PKD2: variants seen among roughly 807,000 people sequenced by gnomAD.
The protein encoded by PKD2 is polycystin-2.
Under a neutral mutation model 105.9 loss-of-function variants are expected in PKD2, and 48 were observed. The observed-to-expected ratio is 0.45, with a 90% CI of 0.36 to 0.58. PKD2 has a LOEUF of 0.58. Ranked by LOEUF, PKD2 falls within the 20% of genes least tolerant of loss-of-function variation. PKD2 has a pLI of 0.00. For missense variants in PKD2, 1,078 were observed against 1,255.3 expected (o/e 0.86, Z 2.13); for synonymous variants, 464 against 481.1 (o/e 0.96, Z 0.46).
intron 13 of PKD2, among the ~76,000 whole-genome samples, chr4:88,069,088 G>A (rs143668807): frequency 2.0e-5 from 3 of 152,018 alleles, no homozygotes; most frequent in African/African-American, 7.2e-5. Context: ...AGTATTTTTT[G>A]TTTGATATTA....
chr4:88,071,098 C>T (rs1304671541), intron 13 of PKD2, among the ~76,000 whole-genome samples: 4 of 151,922 alleles, frequency 2.6e-5, no homozygotes, highest in Non-Finnish European at 5.9e-5. Flanking sequence ...CTCTGTCACC[C>T]AGGCTAGAGT....
intron 14 of PKD2, among the ~76,000 whole-genome samples, 156 bp downstream of exon 14, chr4:88,075,115 GA>G (rs1721185837): frequency 6.6e-6 from 1 of 152,092 alleles, no homozygotes; most frequent in Admixed American, 6.6e-5. Flanking sequence ...CTCATTTTCA[GA>G]TTTTTTTCTC....
At chr4:88,027,032 A>G (rs1285427196) in intron 2 of PKD2, among the ~76,000 whole-genome samples, 2 of 152,218 alleles carry the variant, frequency 1.3e-5, no homozygotes, top group Non-Finnish European at 2.9e-5. Context: ...GCAGAGCCTT[A>G]TGGAGAACCT....
At chr4:88,036,853 G>A (rs1309118590) in intron 3 of PKD2, among the ~76,000 whole-genome samples, 1 of 152,174 alleles carries the variant, frequency 6.6e-6, no homozygotes, top group Non-Finnish European at 1.5e-5. Context: ...TTCGCCTTTT[G>A]TGTTTTGTCT....
At chr4:88,074,719 G>GA in intron 13 of PKD2, 93 bp from the exon 14 acceptor site, 1 of 1,355,760 alleles carries the variant, frequency 7.4e-7, no homozygotes, top group Non-Finnish European at 1.1e-6. Flanking sequence ...TGTTGCTTAA[G>GA]AAAAAAATCT....
chr4:88,065,744 T>TC lies in PKD2; in HGVS notation c.2241-16dup. The TC allele has an allele frequency of 6.5e-7, 1 of 1,527,618 alleles. No individual in the cohort carries two copies. 94.6% of individuals were successfully genotyped at this position (1,527,618 alleles called of 1,614,324 possible). A position where few individuals can be genotyped will look rare whatever the true frequency, so the allele number is the denominator to read the frequency against. On this transcript the variant is annotated splice_polypyrimidine_tract_variant and intron_variant, in intron 11 of 14. Transcript: ENST00000237596. ...GTACAAGGAATGATTTTTATCTGTA[T>TC]CCTCTCTCTAATTTCAGGAAGGGCC... is the stretch of plus-strand genomic sequence containing the variant.
chr4:88,058,669 C>T (rs1363814185), intron 9 of PKD2, among the ~76,000 whole-genome samples: 1 of 152,070 alleles, frequency 6.6e-6, no homozygotes, highest in Non-Finnish European at 1.5e-5. Flanking sequence ...TCCCATTCAT[C>T]TAGAGACTGC....
chr4:88,008,488 T>C (rs1405865246), intron 1 of PKD2, among the ~76,000 whole-genome samples, 160 bp downstream of exon 1: 1 of 152,224 alleles, frequency 6.6e-6, no homozygotes, highest in Non-Finnish European at 1.5e-5. Context: ...AGTGCTGCCC[T>C]ATTTCCGGTA....
chr4:88,035,943 C>T (rs374900379), intron 2 of PKD2: 22 of 454,650 alleles, frequency 4.8e-5, no homozygotes, highest in African/African-American at 3.0e-4. Context: ...TCCTAAATAT[C>T]AAGTAAACGT....
intron 13 of PKD2, among the ~76,000 whole-genome samples, chr4:88,072,429 G>A (rs376074696): frequency 6.6e-5 from 10 of 152,288 alleles, no homozygotes; most frequent in East Asian, 3.9e-4. Flanking sequence ...CAAGAGCATC[G>A]TTAGTCTTTA....
At chr4:88,054,558 G>A (rs766200929) in intron 7 of PKD2, among the ~76,000 whole-genome samples, 1 of 151,956 alleles carries the variant, frequency 6.6e-6, no homozygotes, top group African/African-American at 2.4e-5. Context: ...ATGTGTCTCA[G>A]GCTGATGTGT....
intron 9 of PKD2, 70 bp from the exon 10 acceptor site, chr4:88,061,836 A>G (rs910851142): frequency 1.2e-6 from 1 of 803,508 alleles, no homozygotes; most frequent in African/African-American, 1.7e-5. Flanking sequence ...GGCATGTGTC[A>G]TTTTTTTGAT....
chr4:88,045,856 A>G lies in PKD2; in HGVS notation c.1320-786A>G, dbSNP rs148723935. ...ATTTGATGCTATTTAGGTGTTACATAATGAATGAATGACTCAGTTCCTATC... is the reference window on the plus strand; with the variant it reads ...ATTTGATGCTATTTAGGTGTTACATGATGAATGAATGACTCAGTTCCTATC... On this transcript the variant is annotated intron_variant, in intron 5 of 14. Coordinates refer to ENST00000237596, the MANE Select transcript of PKD2 (RefSeq NM_000297.4). Among the ~76,000 whole-genome samples, 310 of 152,346 alleles carry G rather than the reference A, an allele frequency of 2.0e-3. 1 individual carries two copies. Among genetic ancestry groups the G allele is most frequent in the African/African-American group, 7.0e-3 (291 of 41,576 alleles).
chr4:88,026,100 T>C (rs192538968), intron 2 of PKD2, among the ~76,000 whole-genome samples: 8 of 152,280 alleles, frequency 5.3e-5, no homozygotes, highest in Admixed American at 5.2e-4. Flanking sequence ...TGGAAGCGAC[T>C]CTGGAACTGG....
rs1720127973 is a variant in PKD2 at position 88,052,121 on chromosome 4, A to G, written c.1679A>G (p.Asn560Ser). 12 of 1,606,688 alleles carry G rather than the reference A, an allele frequency of 7.5e-6. No homozygotes were observed. Among genetic ancestry groups the G allele is most frequent in the East Asian group, 2.2e-5 (1 of 44,794 alleles). Residue 560 changes from asparagine to serine, a missense_variant, in exon 7 of 15, where the codon AAT becomes AGT. This residue lies in a region of PKD2 where 868 missense variants were observed against 1,067.3 expected (regional missense o/e 0.81). Coordinates refer to ENST00000237596, the MANE Select transcript of PKD2 (RefSeq NM_000297.4). ...GCATATTGGCAGATACAGTTCAACA[A>G]TATAGCTGCTGTCACAGTATTTTTT... ...HLAYWQIQFN[N>S]IAAVTVFFVW...
At chr4:88,039,225 A>G (rs114134518) in intron 4 of PKD2, among the ~76,000 whole-genome samples, 2,087 of 152,224 alleles carry the variant, frequency 0.014, 41 homozygotes, top group African/African-American at 0.047. Flanking sequence ...CTGTCGGTTC[A>G]TCTAGGTTCT....
chr4:88,016,401 A>T (rs1472781889), intron 1 of PKD2, among the ~76,000 whole-genome samples: 1 of 152,232 alleles, frequency 6.6e-6, no homozygotes, highest in African/African-American at 2.4e-5. Flanking sequence ...TGGGAAAGAC[A>T]ACAGTTGATT....
chr4:88,048,834 C>G (rs1578137340), intron 6 of PKD2, among the ~76,000 whole-genome samples: 1 of 152,222 alleles, frequency 6.6e-6, no homozygotes, highest in South Asian at 2.1e-4. Context: ...TTTAAGGAAA[C>G]AGGAGAGACG....
intron 6 of PKD2, among the ~76,000 whole-genome samples, chr4:88,047,274 C>T (rs747147264): frequency 2.6e-5 from 4 of 151,750 alleles, no homozygotes; most frequent in Non-Finnish European, 4.4e-5. Flanking sequence ...AAAAACTTGT[C>T]GGCCAGGTGT....
Sources: allele counts gnomAD v4.1 joint callset (sites outside exome capture counted in the v4.1 genomes callset), GRCh38; gene constraint gnomAD v4.1.1; regional missense constraint gnomAD v4.1.1; transcripts MANE v1.5; gene names NCBI Gene and HGNC (gene_info 2026-07-23, HGNC 2026-07-21).